Variants in CELF4 observed in about 807,000 individuals in gnomAD.
CELF4 encodes CUGBP Elav-like family member 4, also known as CUG-BP- and ETR-3-like factor 4.
CELF4 carries 18 observed loss-of-function variants against 59.9 expected under a neutral mutation model. That is an observed-to-expected ratio of 0.30 (90% CI 0.21 to 0.45). CELF4 has a LOEUF of 0.45. Ranked by LOEUF, CELF4 falls within the 20% of genes least tolerant of loss-of-function variation. The pLI is 1.00. For missense variants in CELF4, 456 were observed against 689.0 expected (o/e 0.66, Z 3.79); for synonymous variants, 261 against 267.1 (o/e 0.98, Z 0.22).
At chr18:37,523,016 C>A (rs1015884574) in intron 1 of CELF4, among the ~76,000 whole-genome samples, 1 of 152,190 alleles carries the variant, frequency 6.6e-6, no homozygotes, top group African/African-American at 2.4e-5. Flanking sequence ...GTTCTGTGAT[C>A]ATTTCGCAGT....
At chr18:37,385,431 G>A (rs2099089238) in intron 2 of CELF4, among the ~76,000 whole-genome samples, 1 of 152,026 alleles carries the variant, frequency 6.6e-6, no homozygotes, top group African/African-American at 2.4e-5. Flanking sequence ...CCGTGGTGGT[G>A]GCAATGATAG....
At chr18:37,388,348 C>A (rs534482966) in intron 2 of CELF4, among the ~76,000 whole-genome samples, 2 of 152,166 alleles carry the variant, frequency 1.3e-5, no homozygotes, top group East Asian at 3.9e-4. Flanking sequence ...GACGCTTCCT[C>A]CTTTCCCAGC....
At chr18:37,367,120 G>C (rs1270202632) in intron 2 of CELF4, among the ~76,000 whole-genome samples, 1 of 152,148 alleles carries the variant, frequency 6.6e-6, no homozygotes, top group East Asian at 1.9e-4. Context: ...CTGAGGAGGG[G>C]GCATTGCAGG....
chr18:37,365,481 ATTTTTTT>A (rs10670336), intron 2 of CELF4, among the ~76,000 whole-genome samples: 7 of 97,766 alleles, frequency 7.2e-5, no homozygotes, highest in South Asian at 3.8e-4. Flanking sequence ...GGATGGGGCA[ATTTTTTT>A]TTTTTTTTTT....
chr18:37,275,501 A>G (rs1056585603), intron 3 of CELF4: 5 of 493,026 alleles, frequency 1.0e-5, no homozygotes, highest in Admixed American at 3.4e-5. Flanking sequence ...GGCAGGCAGG[A>G]GCTGGATCGC....
At chr18:37,362,597 C>T (rs575486269) in intron 2 of CELF4, among the ~76,000 whole-genome samples, 77 of 152,038 alleles carry the variant, frequency 5.1e-4, no homozygotes, top group Non-Finnish European at 9.0e-4. Context: ...GGGGCTGCTG[C>T]AGCCTGGGGA....
At chr18:37,479,545 G>T (rs1603642231) in intron 2 of CELF4, among the ~76,000 whole-genome samples, 1 of 152,312 alleles carries the variant, frequency 6.6e-6, no homozygotes, top group East Asian at 1.9e-4. Context: ...AAGGACAGAT[G>T]AGTACTTCTT....
chr18:37,338,488 A>G (rs1415989308), intron 2 of CELF4, among the ~76,000 whole-genome samples: 1 of 152,174 alleles, frequency 6.6e-6, no homozygotes, highest in Admixed American at 6.5e-5. Context: ...AATATTGCTT[A>G]GCTCAAAGAG....
intron 2 of CELF4, among the ~76,000 whole-genome samples, chr18:37,324,660 C>G (rs2097240101): frequency 6.6e-6 from 1 of 152,136 alleles, no homozygotes; most frequent in Admixed American, 6.5e-5. Context: ...TCCCTGTTTT[C>G]CATTAAAAAG....
chr18:37,290,923 T>A (rs1335500581), intron 3 of CELF4, among the ~76,000 whole-genome samples: 1 of 152,160 alleles, frequency 6.6e-6, no homozygotes, highest in East Asian at 1.9e-4. Flanking sequence ...TTTTATTTTT[T>A]GAGATGGAGT....
intron 3 of CELF4, among the ~76,000 whole-genome samples, chr18:37,299,406 A>G (rs2095860406): frequency 6.6e-6 from 1 of 152,152 alleles, no homozygotes; most frequent in Non-Finnish European, 1.5e-5. Context: ...CTGGGCAGGG[A>G]TGCTCCTGGG....
chr18:37,356,747 C>T (rs1226220867), intron 2 of CELF4, among the ~76,000 whole-genome samples: 3 of 152,186 alleles, frequency 2.0e-5, no homozygotes, highest in South Asian at 2.1e-4. Context: ...TGGCATGCAG[C>T]GAGCTTCAGT....
At chr18:37,311,768 G>T (rs1415216266) in intron 3 of CELF4, among the ~76,000 whole-genome samples, 409 of 103,654 alleles carry the variant, frequency 3.9e-3, no homozygotes, top group Middle Eastern at 0.028. Flanking sequence ...CAGCCTGGGC[G>T]ACAGAACCAG....
At chr18:37,301,238 C>A (rs904894074) in intron 3 of CELF4, among the ~76,000 whole-genome samples, 3 of 152,196 alleles carry the variant, frequency 2.0e-5, no homozygotes, top group African/African-American at 4.8e-5. Context: ...GTCAGTGTGA[C>A]TGCCTGGGGT....
intron 2 of CELF4, among the ~76,000 whole-genome samples, chr18:37,346,624 G>T (rs1057201474): frequency 3.3e-5 from 5 of 152,300 alleles, no homozygotes; most frequent in African/African-American, 7.2e-5. Context: ...GAGAAGAAAG[G>T]GGTGCCCAGT....
chr18:37,535,045 C>T (rs879882345), intron 1 of CELF4, among the ~76,000 whole-genome samples: 1 of 152,174 alleles, frequency 6.6e-6, no homozygotes, highest in Non-Finnish European at 1.5e-5. Context: ...ATTTCCTCAC[C>T]CTTGAAGCTG....
intron 3 of CELF4, among the ~76,000 whole-genome samples, chr18:37,285,871 G>T (rs2094697718): frequency 6.6e-6 from 1 of 152,176 alleles, no homozygotes; most frequent in Non-Finnish European, 1.5e-5. Context: ...CACGGCACAC[G>T]ATAGACGGCC....
rs1463531180 is a variant in CELF4, at chr18:37,266,957, GC to G, written c.1100-360del. Among the ~76,000 whole-genome samples, 8 of 151,524 alleles carry G rather than the reference GC, an allele frequency of 5.3e-5. No individual in the cohort carries two copies. In the East Asian group the frequency reaches 1.2e-3, roughly 22 times the overall value. On this transcript the variant is annotated intron_variant, in intron 8 of 12. Transcript: ENST00000420428. The stretch of plus-strand genomic sequence containing the variant: ...GGTGGTGGGGGGGGACACACAAGGG[GC>G]CCAGCCCTGCAGAAGGGCTGTGGGG...
intron 1 of CELF4, among the ~76,000 whole-genome samples, chr18:37,504,014 G>A (rs969640766): frequency 6.6e-6 from 1 of 152,208 alleles, no homozygotes; most frequent in Non-Finnish European, 1.5e-5. Context: ...GAGAGGATGG[G>A]AGTTCCTGGA....
Sources: allele counts gnomAD v4.1 joint callset (sites outside exome capture counted in the v4.1 genomes callset), GRCh38; gene constraint gnomAD v4.1.1; transcripts MANE v1.5; gene names NCBI Gene and HGNC (gene_info 2026-07-23, HGNC 2026-07-21).